DCUN1D5: variants seen among roughly 807,000 people sequenced by gnomAD.
DCUN1D5 encodes defective in cullin neddylation 1 domain containing 5, also known as DCN1-like protein 5.
In DCUN1D5, 10 loss-of-function variants were observed where a neutral mutation model predicts 38.3. The ratio of observed to expected loss-of-function variants is 0.26; its 90% CI spans 0.16 to 0.44. The LOEUF (loss-of-function observed/expected upper bound fraction) is 0.44. DCUN1D5 is among the 20% of genes least tolerant of loss of function. The pLI is 1.00. For synonymous variants in DCUN1D5, 93 were observed against 90.9 expected, an observed-to-expected ratio of 1.02 and a Z score of -0.13; for missense variants, 148 against 275.3, an observed-to-expected ratio of 0.54 and a Z score of 3.27.
Position 103,062,916 on chromosome 11 carries a change from A to G in DCUN1D5, c.659-502T>C, listed in dbSNP as rs138929489. 6.1e-4 allele frequency among the ~76,000 whole-genome samples: 93 copies of G among 152,244 alleles called. No individual in the cohort carries two copies. The highest frequency in any genetic ancestry group is 9.9e-4 in the Non-Finnish European group (67 of 67,972). On this transcript the variant is annotated intron_variant, in intron 7 of 7. Coordinates refer to ENST00000260247, the MANE Select transcript of DCUN1D5 (RefSeq NM_032299.4). The surrounding 1 kb of genome is among the most constrained non-coding windows in gnomAD (Gnocchi z 4.6). The stretch of plus-strand genomic sequence containing the variant: ...TGAGCTAAGTACTATTCTAAAACAT[A>G]TATTTTTATAACGTAGGGGAGGTCC...
In DCUN1D5 at chr11:103,073,732, A is replaced by G. The variant is rs1355434119; in HGVS notation, c.342-7165T>C. ...AAATACATGAGAAAATTCTCATGAT[A>G]TAAGGCTAGGCAAATAATTCTTAGA... On this transcript the variant is annotated intron_variant, in intron 4 of 7. Transcript: ENST00000260247. This position sits in a 1 kb window ranked among gnomAD's most constrained non-coding sequence, Gnocchi z 4.2. Among the ~76,000 whole-genome samples, 1 of 152,252 alleles carries G rather than the reference A, an allele frequency of 6.6e-6. No homozygotes were observed. The highest frequency in any genetic ancestry group is 2.4e-5 in the African/African-American group (1 of 41,468).
chr11:103,090,526 T>G (rs1301576808), intron 1 of DCUN1D5, among the ~76,000 whole-genome samples: 5 of 152,240 alleles, frequency 3.3e-5, no homozygotes, highest in Non-Finnish European at 7.3e-5. Flanking sequence ...CTTATAATCC[T>G]GGCTACAGTC....
rs1862867577 is a variant in DCUN1D5 at position 103,091,585 on chromosome 11, T to G, written c.86+202A>C. The G allele has an allele frequency of 2.3e-6, 2 of 861,510 alleles. No individual in the cohort carries two copies. The highest frequency in any genetic ancestry group is 1.6e-5 in the South Asian group (1 of 63,404). The allele number at this position is 861,510 out of a possible 1,614,324, so 53.4% of individuals were successfully genotyped here. On this transcript the variant is annotated intron_variant, in intron 1 of 7. Transcript: ENST00000260247. The surrounding 1 kb of genome is among the most constrained non-coding windows in gnomAD (Gnocchi z 4.3). ...GTGGGCGGCTCTTCTAGTCTCTCCATAAACGCCAGCGTGCACACACTCGAA... is the reference window on the plus strand; with the variant it reads ...GTGGGCGGCTCTTCTAGTCTCTCCAGAAACGCCAGCGTGCACACACTCGAA...
chr11:103,076,325 TTAG>T (rs1862406822), intron 4 of DCUN1D5, among the ~76,000 whole-genome samples: 1 of 152,170 alleles, frequency 6.6e-6, no homozygotes, highest in Non-Finnish European at 1.5e-5. Flanking sequence ...TGGGAGAAAC[TTAG>T]TGGTAAATGG....
At position 103,091,535 on chromosome 11, in the gene DCUN1D5, C is replaced by T; in HGVS notation, c.86+252G>A. On this transcript the variant is annotated intron_variant, in intron 1 of 7. Coordinates refer to ENST00000260247, the MANE Select transcript of DCUN1D5 (RefSeq NM_032299.4). This position sits in a 1 kb window ranked among gnomAD's most constrained non-coding sequence, Gnocchi z 4.3. ...ATTTACATATGCATCTGTTCCCCAC[C>T]CTGCAGGGCACGTAGACTCTTAACG... The T allele has an allele frequency of 1.9e-6, 1 of 532,816 alleles. No homozygotes were observed. Among genetic ancestry groups the T allele is most frequent in the Non-Finnish European group, 3.3e-6 (1 of 298,856 alleles). The allele number at this position is 532,816 out of a possible 1,614,324, so 33.0% of individuals were successfully genotyped here. A position where few individuals can be genotyped will look rare whatever the true frequency, so the allele number is the denominator to read the frequency against.
rs1861766379 is a variant in DCUN1D5, at chr11:103,052,448, C to T, written c.*9911G>A. On this transcript the variant is annotated 3_prime_UTR_variant, in exon 8 of 8. Coordinates refer to ENST00000260247, the MANE Select transcript of DCUN1D5 (RefSeq NM_032299.4). Reference sequence around the variant, plus strand: ...TTATGTGGTGGAAACAAGTGAGGAACACCTATGAATAACATGGTCTCTGTT... The same window carrying T: ...TTATGTGGTGGAAACAAGTGAGGAATACCTATGAATAACATGGTCTCTGTT... The T allele has an allele frequency of 6.6e-6, 1 of 152,126 alleles. No individual in the cohort carries two copies. The highest frequency in any genetic ancestry group is 2.4e-5 in the African/African-American group (1 of 41,436). 9.4% of individuals were successfully genotyped at this position (152,126 alleles called of 1,614,324 possible).
Position 103,083,361 on chromosome 11 carries a change from T to C in DCUN1D5, c.179-35A>G, listed in dbSNP as rs1591225232. The C allele has an allele frequency of 8.4e-7, 1 of 1,187,698 alleles. No individual in the cohort carries two copies. The highest frequency in any genetic ancestry group is 1.3e-6 in the Non-Finnish European group (1 of 798,512). 73.6% of individuals were successfully genotyped at this position (1,187,698 alleles called of 1,614,324 possible). On this transcript the variant is annotated intron_variant, in intron 2 of 7. Coordinates refer to ENST00000260247, the MANE Select transcript of DCUN1D5 (RefSeq NM_032299.4). The surrounding 1 kb of genome is among the most constrained non-coding windows in gnomAD (Gnocchi z 4.4). Reference sequence around the variant, plus strand: ...CAAAAATAATTAACATATTTTGTTATAATATCAACATAAAACATAAATCGT... The same window carrying C: ...CAAAAATAATTAACATATTTTGTTACAATATCAACATAAAACATAAATCGT...
chr11:103,080,542 C>T (rs1862533381), intron 4 of DCUN1D5, among the ~76,000 whole-genome samples: 1 of 152,166 alleles, frequency 6.6e-6, no homozygotes, highest in Admixed American at 6.5e-5. Flanking sequence ...GTCAAGAATG[C>T]TCACTTCAAG....
At position 103,083,499 on chromosome 11, in the gene DCUN1D5, T is replaced by C. The variant is rs1444603438; in HGVS notation, c.179-173A>G. Among the ~76,000 whole-genome samples the C allele has an allele frequency of 6.6e-6, 1 of 152,034 alleles. No homozygotes were observed. Among genetic ancestry groups the C allele is most frequent in the Non-Finnish European group, 1.5e-5 (1 of 67,926 alleles). ...TGCTACAGGATTTAAAATTTAAAAT[T>C]TGTGAAGTATTCTTTGAACACCAGA... On this transcript the variant is annotated intron_variant, in intron 2 of 7. Transcript: ENST00000260247. The surrounding 1 kb of genome is among the most constrained non-coding windows in gnomAD (Gnocchi z 4.4).
chr11:103,088,578 T>C (rs1862773558), intron 2 of DCUN1D5, among the ~76,000 whole-genome samples: 1 of 152,204 alleles, frequency 6.6e-6, no homozygotes, highest in South Asian at 2.1e-4. Flanking sequence ...TTAGCTCCTC[T>C]AGAAAACTCC....
At chr11:103,067,051 G>A (rs997430865) in intron 4 of DCUN1D5, among the ~76,000 whole-genome samples, 2 of 152,144 alleles carry the variant, frequency 1.3e-5, no homozygotes, top group Non-Finnish European at 2.9e-5. Flanking sequence ...AATACATTAA[G>A]TGGTCCAGTC....
chr11:103,088,255 C>T (rs894075969), intron 2 of DCUN1D5, among the ~76,000 whole-genome samples: 7 of 151,570 alleles, frequency 4.6e-5, no homozygotes, highest in African/African-American at 1.7e-4. Context: ...GCTACATATA[C>T]ACTTCCATTT....
At chr11:103,069,825 C>T (rs1038164764) in intron 4 of DCUN1D5, among the ~76,000 whole-genome samples, 1 of 152,190 alleles carries the variant, frequency 6.6e-6, no homozygotes, top group South Asian at 2.1e-4. Flanking sequence ...GCCCTGATTT[C>T]TCTTGCCAGA....
At chr11:103,079,828 G>A (rs935202595) in intron 4 of DCUN1D5, 22 of 151,860 alleles carry the variant, frequency 1.4e-4, no homozygotes, top group African/African-American at 5.1e-4. Flanking sequence ...AAGGAAATTT[G>A]GCTATTATTA....
chr11:103,082,476 CT>C (rs1449155697), intron 4 of DCUN1D5, among the ~76,000 whole-genome samples: 2 of 151,986 alleles, frequency 1.3e-5, no homozygotes, highest in African/African-American at 4.8e-5. Context: ...ATAAATAGGT[CT>C]TTGATCATAG....
chr11:103,054,731 G>T lies in DCUN1D5; in HGVS notation c.*7628C>A, dbSNP rs926855037. On this transcript the variant is annotated 3_prime_UTR_variant, in exon 8 of 8. Transcript: ENST00000260247. ...GGAAGACCCTCTATATCAAATCTGA[G>T]TATAATTAAGCTACACTTGAGTTTC... 2 of 151,916 alleles carry T rather than the reference G, an allele frequency of 1.3e-5. No homozygotes were observed. The highest frequency in any genetic ancestry group is 2.9e-5 in the Non-Finnish European group (2 of 67,956). The allele number at this position is 151,916 out of a possible 1,614,324, so 9.4% of individuals were successfully genotyped here. A position where few individuals can be genotyped will look rare whatever the true frequency, so the allele number is the denominator to read the frequency against.
intron 4 of DCUN1D5, among the ~76,000 whole-genome samples, chr11:103,067,659 G>A (rs1277954244): frequency 6.6e-6 from 1 of 152,128 alleles, no homozygotes; most frequent in Non-Finnish European, 1.5e-5. Flanking sequence ...GGCCTATAAT[G>A]TGTAGTAACA....
intron 4 of DCUN1D5, among the ~76,000 whole-genome samples, chr11:103,076,491 A>G (rs1163406507): frequency 6.6e-6 from 1 of 152,220 alleles, no homozygotes; most frequent in Non-Finnish European, 1.5e-5. Flanking sequence ...TTAAGAAATA[A>G]AGTGAAGGGA....
In DCUN1D5 at chr11:103,091,610, A is replaced by G. The variant is rs1862868674; in HGVS notation, c.86+177T>C. 3.5e-6 allele frequency: 4 copies of G among 1,136,544 alleles called. No individual in the cohort carries two copies. Among genetic ancestry groups the G allele is most frequent in the Admixed American group, 2.1e-5 (1 of 48,082 alleles). The allele number at this position is 1,136,544 out of a possible 1,614,324, so 70.4% of individuals were successfully genotyped here. ...TAAACGCCAGCGTGCACACACTCGA[A>G]CACGAGGTCGGGTCGGGCGCGGAGA... On this transcript the variant is annotated intron_variant, in intron 1 of 7. Transcript: ENST00000260247. The surrounding 1 kb of genome is among the most constrained non-coding windows in gnomAD (Gnocchi z 4.3).
Sources: allele counts gnomAD v4.1 joint callset (sites outside exome capture counted in the v4.1 genomes callset), GRCh38; gene constraint gnomAD v4.1.1; non-coding constraint Gnocchi (gnomAD v3.1); transcripts MANE v1.5; gene names NCBI Gene and HGNC (gene_info 2026-07-23, HGNC 2026-07-21).